The following USP40 variants were observed in gnomAD, a reference collection of about 807,000 sequenced individuals.
The protein encoded by USP40 is ubiquitin carboxyl-terminal hydrolase 40.
USP40 carries 143 observed loss-of-function variants against 166.2 expected under a neutral mutation model. The observed-to-expected ratio is 0.86, with a 90% CI of 0.75 to 0.99. USP40 has a LOEUF of 0.99. Among genes scored for constraint, USP40 ranks in the 50% least tolerant of loss-of-function variants. The probability of loss-of-function intolerance (pLI) is 0.00; values close to 1 mark genes in which losing one functional copy is unlikely to be tolerated. For synonymous variants in USP40, 498 were observed against 524.0 expected (o/e 0.95, Z 0.68); for missense variants, 1,444 against 1,479.7 (o/e 0.98, Z 0.40).
At chr2:233,481,354 T>TA in intron 30 of USP40, 57 bp from the exon 31 acceptor site, 1 of 1,463,240 alleles carries the variant, frequency 6.8e-7, no homozygotes, top group Non-Finnish European at 9.3e-7. Context: ...AGCCTACATT[T>TA]AAAAGAGGCA....
intron 5 of USP40, among the ~76,000 whole-genome samples, chr2:233,555,195 A>C (rs2070956391): frequency 6.6e-6 from 1 of 152,224 alleles, no homozygotes; most frequent in Non-Finnish European, 1.5e-5. Context: ...TCCATCTCAA[A>C]AAAAAGAATT....
intron 8 of USP40, among the ~76,000 whole-genome samples, chr2:233,548,760 T>A (rs916404772): frequency 6.6e-5 from 10 of 152,146 alleles, no homozygotes; most frequent in Non-Finnish European, 1.3e-4. Context: ...TAAAGGGACC[T>A]GGTGTCTTCA....
At chr2:233,511,844 C>T (rs745364341) in intron 19 of USP40, 47 bp from the exon 20 acceptor site, 3 of 1,407,606 alleles carry the variant, frequency 2.1e-6, no homozygotes, top group East Asian at 2.4e-5. Context: ...ATTCCTAGCT[C>T]TCTAAGAAAA....
At position 233,493,028 on chromosome 2, in the gene USP40, T is replaced by C. The variant is rs1431482531; in HGVS notation, c.2917+397A>G. 1 of 235,214 alleles carries C rather than the reference T, an allele frequency of 4.3e-6. No homozygotes were observed. The highest frequency in any genetic ancestry group is 8.3e-6 in the Non-Finnish European group (1 of 120,164). The allele number at this position is 235,214 out of a possible 1,614,324, so 14.6% of individuals were successfully genotyped here. The stretch of plus-strand genomic sequence containing the variant: ...TTTGAGGCAGAAAGATTGGAAGACA[T>C]GTAGGATGTGGACTCCTGGTCTCTG... On this transcript the variant is annotated intron_variant, in intron 25 of 31. Transcript: ENST00000678225. This position sits in a 1 kb window ranked among gnomAD's most constrained non-coding sequence, Gnocchi z 4.7.
intron 18 of USP40, among the ~76,000 whole-genome samples, chr2:233,513,109 G>T (rs774757012): frequency 6.6e-6 from 1 of 152,114 alleles, no homozygotes; most frequent in Admixed American, 6.5e-5. Flanking sequence ...ATAAAGAGTC[G>T]TTTAAGCAGG....
intron 14 of USP40, 100 bp from the exon 15 acceptor site, chr2:233,524,662 A>G (rs988905418): frequency 8.2e-6 from 7 of 857,736 alleles, no homozygotes; most frequent in Non-Finnish European, 1.2e-5. Context: ...AAGTATTTTC[A>G]CTAAGGAAAA....
chr2:233,494,825 A>T lies in USP40; in HGVS notation c.2791-1274T>A, dbSNP rs1280067484. Among the ~76,000 whole-genome samples, 7 of 71,036 alleles carry T rather than the reference A, an allele frequency of 9.9e-5. No individual in the cohort carries two copies. In the East Asian group the frequency reaches 1.2e-3, roughly 12 times the overall value. 46.6% of individuals were successfully genotyped at this position (71,036 alleles called of 152,430 possible). On this transcript the variant is annotated intron_variant, in intron 24 of 31. Coordinates refer to ENST00000678225, the MANE Select transcript of USP40 (RefSeq NM_001365479.2). ...GGGTGACAAGAGTCAGATCCTTTCT[A>T]AAAAAAAAAAAAAAAAACCAAAAAA...
At chr2:233,503,350 G>A (rs145745114) in intron 21 of USP40, among the ~76,000 whole-genome samples, 23 of 152,186 alleles carry the variant, frequency 1.5e-4, no homozygotes, top group Non-Finnish European at 2.5e-4. Flanking sequence ...AAGACACAGC[G>A]TATCTATTTA....
rs1402115176 is a variant in USP40, at chr2:233,486,168, A to G, written c.3198-191T>C. ...AATTTCCTTTAATCTTGGAATGAAG[A>G]GCGGAAGTGAAGATCCCATTCTCGG... On this transcript the variant is annotated intron_variant, in intron 28 of 31. Coordinates refer to ENST00000678225, the MANE Select transcript of USP40 (RefSeq NM_001365479.2). This position sits in a 1 kb window ranked among gnomAD's most constrained non-coding sequence, Gnocchi z 4.0. 6.6e-6 allele frequency among the ~76,000 whole-genome samples: 1 copy of G among 152,138 alleles called. No individual in the cohort carries two copies. Among genetic ancestry groups the G allele is most frequent in the Non-Finnish European group, 1.5e-5 (1 of 68,026 alleles).
intron 21 of USP40, among the ~76,000 whole-genome samples, chr2:233,501,022 G>C (rs2066043513): frequency 6.6e-6 from 1 of 152,138 alleles, no homozygotes; most frequent in Admixed American, 6.5e-5. Context: ...ATGATTACTT[G>C]TATGACAAAA....
intron 12 of USP40, 32 bp downstream of exon 12, chr2:233,529,398 AC>A: frequency 6.6e-7 from 1 of 1,517,024 alleles, no homozygotes; most frequent in South Asian, 1.2e-5. Flanking sequence ...TCTCCGGAAT[AC>A]TAGTCAAACT....
At chr2:233,512,538 C>T (rs1019131296) in intron 19 of USP40, 31 bp downstream of exon 19, 2 of 1,525,792 alleles carry the variant, frequency 1.3e-6, no homozygotes, top group Admixed American at 2.0e-5. Context: ...CGAGTATAAG[C>T]CACCTTTTGA....
chr2:233,520,591 A>G (rs558440112), intron 17 of USP40, among the ~76,000 whole-genome samples: 1 of 152,142 alleles, frequency 6.6e-6, no homozygotes, highest in East Asian at 1.9e-4. Context: ...AAAACAATTT[A>G]AGATAAATTT....
In USP40 at chr2:233,525,533, A is replaced by T; in HGVS notation, c.1755T>A (p.Val585=). The T allele has an allele frequency of 6.2e-7, 1 of 1,613,278 alleles. No individual in the cohort carries two copies. The highest frequency in any genetic ancestry group is 8.5e-7 in the Non-Finnish European group (1 of 1,179,478). The change falls in exon 14 of 32, where the codon GTT becomes GTA. Residue 585 remains valine, a synonymous_variant. Transcript: ENST00000678225. ...CTGGTACAAGCTTTGCAACACTAAGAACCATGTCTCCTTCCCAAAATTCTA... is the reference window on the plus strand; with the variant it reads ...CTGGTACAAGCTTTGCAACACTAAGTACCATGTCTCCTTCCCAAAATTCTA... ...QLLEFWEGDM[V]LSVAKLVPAG... is the part of the protein sequence containing the mutation.
chr2:233,490,021 G>C (rs2125062935), intron 26 of USP40, among the ~76,000 whole-genome samples: 1 of 152,160 alleles, frequency 6.6e-6, no homozygotes, highest in Middle Eastern at 3.4e-3. Context: ...ACTTAGGTTG[G>C]AGCCTCTAAA....
At chr2:233,541,889 G>A (rs1379470307) in intron 9 of USP40, among the ~76,000 whole-genome samples, 1 of 152,188 alleles carries the variant, frequency 6.6e-6, no homozygotes, top group East Asian at 1.9e-4. Flanking sequence ...GGTTTAAAAT[G>A]ACAATAATAG....
chr2:233,492,345 T>C (rs551285220), intron 25 of USP40, among the ~76,000 whole-genome samples: 1 of 152,244 alleles, frequency 6.6e-6, no homozygotes, highest in Non-Finnish European at 1.5e-5. Flanking sequence ...TGAAATCATC[T>C]GACGATGCAT....
At chr2:233,529,366 A>C in intron 12 of USP40, 65 bp downstream of exon 12, 25 of 1,273,444 alleles carry the variant, frequency 2.0e-5, no homozygotes, top group Non-Finnish European at 2.5e-5. Context: ...CTGAATGCTT[A>C]AGGCCTAAAT....
chr2:233,540,139 A>C (rs949306138), intron 10 of USP40, among the ~76,000 whole-genome samples: 1 of 151,168 alleles, frequency 6.6e-6, no homozygotes, highest in South Asian at 2.1e-4. Flanking sequence ...AAAAAAAAAA[A>C]CAAAAAACAA....
Sources: gnomAD v4.1 joint callset for allele counts (sites outside exome capture counted in the v4.1 genomes callset) on GRCh38, gnomAD v4.1.1 for gene constraint, Gnocchi (gnomAD v3.1) non-coding constraint, MANE v1.5 for transcripts, NCBI Gene and HGNC (gene_info 2026-07-23, HGNC 2026-07-21) for gene names.